Variants in SLC2A11 observed in about 807,000 individuals in gnomAD.
SLC2A11 encodes the protein solute carrier family 2, facilitated glucose transporter member 11.
Under a neutral mutation model 52.1 loss-of-function variants are expected in SLC2A11, and 43 were observed. The observed-to-expected ratio is 0.82, with a 90% CI of 0.65 to 1.06. The LOEUF (loss-of-function observed/expected upper bound fraction) is 1.06. Among genes scored for constraint, SLC2A11 ranks in the 50% least tolerant of loss-of-function variants. The pLI is 0.00. For missense variants in SLC2A11, 582 were observed against 654.2 expected (o/e 0.89, Z 1.20); for synonymous variants, 261 against 277.6 (o/e 0.94, Z 0.59).
At chr22:23,857,818 C>T (rs781304875), upstream of SLC2A11, 50 of 1,470,352 alleles carry the variant, frequency 3.4e-5, no homozygotes, top group Non-Finnish European at 4.4e-5. Context: ...GCTTGCGCTA[C>T]AGCTTCGTCT....
At chr22:23,868,739 C>G in intron 3 of SLC2A11, 98 bp downstream of exon 3, 5 of 1,448,830 alleles carry the variant, frequency 3.5e-6, no homozygotes, top group Non-Finnish European at 3.8e-6. Flanking sequence ...CCGGCAAGCT[C>G]CAGGCCCAGA....
At chr22:23,882,990 G>A in intron 8 of SLC2A11, 121 bp downstream of exon 8, 1 of 951,266 alleles carries the variant, frequency 1.1e-6, no homozygotes. Flanking sequence ...GCCAGGTGCG[G>A]TGGCTCATGC....
chr22:23,863,076 G>T (rs757121049), intron 2 of SLC2A11, among the ~76,000 whole-genome samples: 1 of 152,260 alleles, frequency 6.6e-6, no homozygotes, highest in East Asian at 1.9e-4. Flanking sequence ...TGAACCCCTC[G>T]GTTTCACTGT....
chr22:23,885,013 G>A lies in SLC2A11; in HGVS notation c.*164G>A, dbSNP rs972617887. 16 of 605,290 alleles carry A rather than the reference G, an allele frequency of 2.6e-5. No homozygotes were observed. The highest frequency in any genetic ancestry group is 1.1e-4 in the East Asian group (4 of 35,166). The allele number at this position is 605,290 out of a possible 1,614,324, so 37.5% of individuals were successfully genotyped here. On this transcript the variant is annotated 3_prime_UTR_variant, in exon 12 of 12. Coordinates refer to ENST00000316185, the MANE Select transcript of SLC2A11 (RefSeq NM_001024939.4). ...AGGTGCTTAGCAATCAATGGTGAGC[G>A]TGGTATTCCAGGCTAAAGGTAATTA...
intron 4 of SLC2A11, among the ~76,000 whole-genome samples, chr22:23,876,030 T>C (rs2032603559): frequency 6.6e-6 from 1 of 151,856 alleles, no homozygotes; most frequent in African/African-American, 2.4e-5. Flanking sequence ...TTTGGGGGGC[T>C]CTCCACAGAG....
chr22:23,861,711 C>T (rs540598911), intron 1 of SLC2A11, among the ~76,000 whole-genome samples: 7 of 152,344 alleles, frequency 4.6e-5, no homozygotes, highest in African/African-American at 1.7e-4. Context: ...TTTCCTGGGG[C>T]AAGTCAGAGG....
chr22:23,883,632 GA>G (rs2032902491), intron 8 of SLC2A11, 139 bp from the exon 9 acceptor site: 2 of 661,946 alleles, frequency 3.0e-6, no homozygotes, highest in Non-Finnish European at 4.9e-6. Context: ...GTTCCTTTGG[GA>G]AATTAATAAA....
At chr22:23,882,239 G>C in intron 6 of SLC2A11, 1 of 576,738 alleles carries the variant, frequency 1.7e-6, no homozygotes, top group Non-Finnish European at 3.1e-6. Context: ...GAGATTGAGA[G>C]GCAGAGAGAG....
chr22:23,870,659 G>GA (rs2032421835), intron 3 of SLC2A11: 1 of 151,808 alleles, frequency 6.6e-6, no homozygotes, highest in African/African-American at 2.4e-5. Flanking sequence ...ATATTTTCAC[G>GA]TTCTGGGCTA....
At chr22:23,861,090 C>T (rs969829343) in intron 1 of SLC2A11, among the ~76,000 whole-genome samples, 2 of 151,944 alleles carry the variant, frequency 1.3e-5, no homozygotes, top group Non-Finnish European at 1.5e-5. Flanking sequence ...CGTGATCCGC[C>T]CGCCTCGGCC....
chr22:23,861,027 A>C (rs1670838496), intron 1 of SLC2A11, among the ~76,000 whole-genome samples: 1 of 151,886 alleles, frequency 6.6e-6, no homozygotes, highest in Non-Finnish European at 1.5e-5. Context: ...TTGTATTTTT[A>C]GTAGAGGCGG....
At chr22:23,857,013 T>G (rs1222226292), upstream of SLC2A11, 1 of 1,512,918 alleles carries the variant, frequency 6.6e-7, no homozygotes, top group Admixed American at 1.8e-5. Flanking sequence ...TTTCGGTCTT[T>G]CCTAATTTTC....
intron 6 of SLC2A11, among the ~76,000 whole-genome samples, chr22:23,880,251 T>C (rs1601511071): frequency 1.0e-5 from 1 of 95,372 alleles, no homozygotes; most frequent in Admixed American, 1.5e-4. Context: ...AGAGTGAGAC[T>C]CCATCTCAAA....
chr22:23,866,595 C>T (rs1423234350), intron 2 of SLC2A11: 3 of 155,404 alleles, frequency 1.9e-5, no homozygotes, highest in African/African-American at 4.8e-5. Flanking sequence ...AGTCATTTCA[C>T]CTCTCCCTGA....
At chr22:23,857,071 TGTGGGGGGG>T, upstream of SLC2A11, 3 of 301,258 alleles carry the variant, frequency 1.0e-5, no homozygotes, top group Non-Finnish European at 1.6e-5. Context: ...AGTGTGTGTG[TGTGGGGGGG>T]GGGGGGTGTA....
intron 5 of SLC2A11, 108 bp from the exon 6 acceptor site, chr22:23,877,612 CG>C (rs2032660572): frequency 7.3e-7 from 1 of 1,367,938 alleles, no homozygotes; most frequent in Admixed American, 2.1e-5. Context: ...GGAAGAGGCA[CG>C]GGGCAATTGC....
chr22:23,874,168 T>A (rs2032542590), intron 3 of SLC2A11, among the ~76,000 whole-genome samples: 1 of 152,222 alleles, frequency 6.6e-6, no homozygotes, highest in African/African-American at 2.4e-5. Context: ...GACTCTGTAA[T>A]ACATGGAGGA....
At chr22:23,875,068 G>A (rs200061784) in intron 3 of SLC2A11, 49 bp from the exon 4 acceptor site, 35 of 1,485,632 alleles carry the variant, frequency 2.4e-5, no homozygotes, top group East Asian at 4.8e-5. Context: ...GGATGGTCCC[G>A]CTGGACTGAA....
chr22:23,857,847 C>CA (rs1568980814), upstream of SLC2A11: 1 of 1,510,366 alleles, frequency 6.6e-7, no homozygotes. Flanking sequence ...TTGCTCCTCT[C>CA]AAACGCTCAC....
Sources: gnomAD v4.1 joint callset for allele counts (sites outside exome capture counted in the v4.1 genomes callset) on GRCh38, gnomAD v4.1.1 for gene constraint, MANE v1.5 for transcripts, NCBI Gene and HGNC (gene_info 2026-07-23, HGNC 2026-07-21) for gene names.